TM4SF1: variants seen among roughly 807,000 people sequenced by gnomAD.
TM4SF1 encodes the protein transmembrane 4 L six family member 1, also known as transmembrane 4 L6 family member 1.
Under a neutral mutation model 24.5 loss-of-function variants are expected in TM4SF1, and 20 were observed. The ratio of observed to expected loss-of-function variants is 0.82; its 90% CI spans 0.57 to 1.19. The LOEUF is 1.19. TM4SF1 is among the 50% of genes most tolerant of loss of function. TM4SF1 has a pLI of 0.00. For synonymous variants in TM4SF1, 107 were observed against 95.4 expected (o/e 1.12, Z -0.71); for missense variants, 258 against 248.1 (o/e 1.04, Z -0.27).
rs1163748136 is a variant in TM4SF1 at position 149,369,732 on chromosome 3, T to C, written c.*134A>G. On this transcript the variant is annotated 3_prime_UTR_variant, in exon 5 of 5. Coordinates refer to ENST00000305366, the MANE Select transcript of TM4SF1 (RefSeq NM_014220.3). Reference sequence around the variant, plus strand: ...CTGACATCCTGTGAAGATGCCAGTCTTTACAGGCGTTTGTAAAAGTAGACT... The same window carrying C: ...CTGACATCCTGTGAAGATGCCAGTCCTTACAGGCGTTTGTAAAAGTAGACT... 5 of 1,068,262 alleles carry C rather than the reference T, an allele frequency of 4.7e-6. No homozygotes were observed. The highest frequency in any genetic ancestry group is 6.8e-6 in the Non-Finnish European group (5 of 732,064). The allele number at this position is 1,068,262 out of a possible 1,614,324, so 66.2% of individuals were successfully genotyped here.
intron 3 of TM4SF1, among the ~76,000 whole-genome samples, chr3:149,373,571 CA>C (rs1324678484): frequency 1.3e-5 from 2 of 152,016 alleles, no homozygotes; most frequent in African/African-American, 4.8e-5. Context: ...TTGTTCATTT[CA>C]AAAAAAGTTC....
intron 4 of TM4SF1, chr3:149,370,151 G>A (rs1731786340): frequency 6.1e-6 from 2 of 328,540 alleles, no homozygotes; most frequent in Non-Finnish European, 1.1e-5. Context: ...ATTTGTGTGG[G>A]GTTTTAATCT....
rs563148842 is a variant in TM4SF1, at chr3:149,375,445, G to T, written c.411C>A (p.Gly137=). 2.5e-6 allele frequency: 4 copies of T among 1,614,124 alleles called. No homozygotes were observed. In the South Asian group the frequency reaches 3.3e-5, roughly 13 times the overall value. Residue 137 remains glycine (G), a splice_region_variant and synonymous_variant, in exon 3 of 5, where the codon GGC becomes GGA. Transcript: ENST00000305366. ...QWNYTFASTE[G]QYLLDTSTWS... is the part of the protein sequence containing the mutation. ...CCATGTAGAGAGTAATTACATACTG[G>T]CCCTCAGTGCTGGCAAAGGTGTAGT...
At chr3:149,374,295 T>C (rs762040611) in intron 3 of TM4SF1, among the ~76,000 whole-genome samples, 1 of 152,240 alleles carries the variant, frequency 6.6e-6, no homozygotes. Flanking sequence ...AAATTCATGA[T>C]CTCATAACTG....
chr3:149,376,311 G>T (rs1464811382), intron 1 of TM4SF1, among the ~76,000 whole-genome samples: 1 of 152,110 alleles, frequency 6.6e-6, no homozygotes, highest in Non-Finnish European at 1.5e-5. Context: ...GTTCAAGATC[G>T]AAAGAAACTT....
intron 1 of TM4SF1, among the ~76,000 whole-genome samples, chr3:149,377,091 A>G (rs956064184): frequency 1.3e-5 from 2 of 152,212 alleles, no homozygotes; most frequent in African/African-American, 4.8e-5. Flanking sequence ...AGTCTCTCAA[A>G]TCTGATTTAA....
At chr3:149,369,905 A>G (rs1731778747) in intron 4 of TM4SF1, 25 bp from the exon 5 acceptor site, 2 of 1,601,014 alleles carry the variant, frequency 1.2e-6, no homozygotes, top group Admixed American at 3.5e-5. Context: ...AAATACCATT[A>G]GGCTATAATC....
intron 4 of TM4SF1, chr3:149,370,359 G>C (rs1036526473): frequency 6.5e-6 from 1 of 154,264 alleles, no homozygotes; most frequent in African/African-American, 2.4e-5. Flanking sequence ...CATCCCTACA[G>C]TGACTCAGCT....
chr3:149,375,767 C>A lies in TM4SF1; in HGVS notation c.180G>T (p.Met60Ile). 6.2e-7 allele frequency: 1 copy of A among 1,614,154 alleles called. No individual in the cohort carries two copies. The highest frequency in any genetic ancestry group is 8.5e-7 in the Non-Finnish European group (1 of 1,180,012). ...CAATGAAGACAAATGCTGGCAGGAGCATCTGGTTAGGAAACAAACAAAGTC... is the reference window on the plus strand; with the variant it reads ...CAATGAAGACAAATGCTGGCAGGAGAATCTGGTTAGGAAACAAACAAAGTC... ...FSGIVGGGLL[M>I]LLPAFVFIGL... The change falls in exon 2 of 5, where the codon ATG becomes ATT. Residue 60 changes from methionine (M) to isoleucine (I), a missense_variant and splice_region_variant. Met to Ile is a conservative substitution (Grantham distance 10, BLOSUM62 1). Coordinates refer to ENST00000305366, the MANE Select transcript of TM4SF1 (RefSeq NM_014220.3).
At position 149,369,856 on chromosome 3, in the gene TM4SF1, G is replaced by T; in HGVS notation, c.*10C>A. 6.2e-7 allele frequency: 1 copy of T among 1,607,888 alleles called. No individual in the cohort carries two copies. ...GAGGAAGATTGTGGCTCTGTCCTGG[G>T]TTGGTTCTTTTAGCAGTCATATTGC... On this transcript the variant is annotated 3_prime_UTR_variant, in exon 5 of 5. Transcript: ENST00000305366.
chr3:149,369,962 G>A (rs1405335906), intron 4 of TM4SF1, 82 bp from the exon 5 acceptor site: 3 of 1,521,628 alleles, frequency 2.0e-6, no homozygotes, highest in African/African-American at 1.4e-5. Flanking sequence ...CCTATTTTAA[G>A]CAAACATAAA....
intron 3 of TM4SF1, among the ~76,000 whole-genome samples, chr3:149,375,050 TATTATAAGGACTGA>T (rs1731914660): frequency 6.6e-6 from 1 of 152,096 alleles, no homozygotes; most frequent in Non-Finnish European, 1.5e-5. Context: ...TTCATAGGGT[TATTATAAGGACTGA>T]ATTATTGAAT....
chr3:149,376,889 A>G (rs1012818120), intron 1 of TM4SF1, among the ~76,000 whole-genome samples: 3 of 152,234 alleles, frequency 2.0e-5, no homozygotes, highest in Non-Finnish European at 4.4e-5. Context: ...CCTTACATAA[A>G]GGAGAAAGCT....
intron 3 of TM4SF1, among the ~76,000 whole-genome samples, chr3:149,373,571 C>CA (rs1324678484): frequency 6.6e-6 from 1 of 152,016 alleles, no homozygotes; most frequent in African/African-American, 2.4e-5. Flanking sequence ...TTGTTCATTT[C>CA]AAAAAAAGTT....
At position 149,374,870 on chromosome 3, in the gene TM4SF1, T is replaced by C. The variant is rs114663050; in HGVS notation, c.413+573A>G. Among the ~76,000 whole-genome samples the C allele has an allele frequency of 1.6e-3, 248 of 152,302 alleles. 1 individual carries two copies. Among genetic ancestry groups the C allele is most frequent in the African/African-American group, 5.7e-3 (236 of 41,564 alleles). Reference sequence around the variant, plus strand: ...AAATGTATTACACTTAATCAGGCAATTGTTCTGGTATAATGTATGAAGTAA... The same window carrying C: ...AAATGTATTACACTTAATCAGGCAACTGTTCTGGTATAATGTATGAAGTAA... On this transcript the variant is annotated intron_variant, in intron 3 of 4. Coordinates refer to ENST00000305366, the MANE Select transcript of TM4SF1 (RefSeq NM_014220.3).
intron 3 of TM4SF1, 80 bp from the exon 4 acceptor site, chr3:149,371,947 T>G: frequency 7.3e-7 from 1 of 1,367,006 alleles, no homozygotes; most frequent in Non-Finnish European, 1.0e-6. Context: ...TTGGTGGTTT[T>G]TCATTCAGAA....
intron 3 of TM4SF1, among the ~76,000 whole-genome samples, chr3:149,373,153 G>A (rs963835368): frequency 1.1e-4 from 16 of 152,228 alleles, no homozygotes; most frequent in Admixed American, 3.3e-4. Context: ...ATATCCAGCC[G>A]CTAGAACAGT....
rs1339081768 is a variant in TM4SF1 at position 149,377,396 on chromosome 3, G to A, written c.152C>T (p.Ser51Phe). The change falls in exon 1 of 5, where the codon TCT (serine) becomes TTT (phenylalanine). Residue 51 changes from serine to phenylalanine, a missense_variant. Physicochemically the swap from Ser to Phe is radical, Grantham distance 155. Transcript: ENST00000305366. ...CAGCAGGCCACCTCCTACGATGCCA[G>A]AAAAGAACCACACGAAGCGGCTGAG... The part of the protein sequence containing the change: ...NHLSRFVWFF[S>F]GIVGGGLLML... 1 of 1,613,996 alleles carries A rather than the reference G, an allele frequency of 6.2e-7. No homozygotes were observed. Among genetic ancestry groups the A allele is most frequent in the Non-Finnish European group, 8.5e-7 (1 of 1,180,008 alleles).
At chr3:149,372,410 T>A (rs2108377584) in intron 3 of TM4SF1, among the ~76,000 whole-genome samples, 1 of 151,714 alleles carries the variant, frequency 6.6e-6, no homozygotes, top group South Asian at 2.1e-4. Flanking sequence ...TTAGGCTAGT[T>A]TTTTTTTTGA....
Sources: allele counts gnomAD v4.1 joint callset (sites outside exome capture counted in the v4.1 genomes callset), GRCh38; gene constraint gnomAD v4.1.1; transcripts MANE v1.5; gene names NCBI Gene and HGNC (gene_info 2026-07-23, HGNC 2026-07-21).